Variants in PSG4 observed in about 807,000 individuals in gnomAD.
PSG4 encodes the protein pregnancy-specific beta-1-glycoprotein 4.
Under a neutral mutation model 44.3 loss-of-function variants are expected in PSG4, and 61 were observed. That is an observed-to-expected ratio of 1.38 (90% confidence interval 1.12 to 1.70). PSG4 has a LOEUF of 1.70. PSG4 is among the 40% of genes most tolerant of loss of function. The pLI, the probability that PSG4 is intolerant of heterozygous loss-of-function variation, is 0.00. For missense variants in PSG4, 677 were observed against 511.7 expected, an observed-to-expected ratio of 1.32 and a Z score of -3.12; for synonymous variants, 248 against 191.3, an observed-to-expected ratio of 1.30 and a Z score of -2.45.
chr19:43,195,869 G>T (rs1268293993), intron 3 of PSG4, among the ~76,000 whole-genome samples: 1 of 150,214 alleles, frequency 6.7e-6, no homozygotes, highest in Non-Finnish European at 1.5e-5. Context: ...GTGGGGCAGT[G>T]TTTTGCAGGT....
At chr19:43,202,251 G>A (rs1967547999) in intron 2 of PSG4, among the ~76,000 whole-genome samples, 1 of 145,080 alleles carries the variant, frequency 6.9e-6, no homozygotes, top group South Asian at 2.2e-4. Flanking sequence ...ATGGCAGTGA[G>A]CAGTGAGGGT....
At chr19:43,203,607 G>A (rs1348976421) in intron 2 of PSG4, 2 of 479,092 alleles carry the variant, frequency 4.2e-6, no homozygotes, top group African/African-American at 4.3e-5. Context: ...TATGAAGAGG[G>A]CATGAGGTGC....
intron 3 of PSG4, among the ~76,000 whole-genome samples, chr19:43,195,913 T>C (rs1344313211): frequency 6.7e-6 from 1 of 150,274 alleles, no homozygotes; most frequent in Non-Finnish European, 1.5e-5. Context: ...CAGTGACCTC[T>C]AAAGATAGAG....
chr19:43,197,853 C>T (rs1320483735), intron 3 of PSG4, 144 bp downstream of exon 3: 26 of 1,519,850 alleles, frequency 1.7e-5, no homozygotes, highest in Non-Finnish European at 2.2e-5. Context: ...CTCTGGTTTG[C>T]CTGGGGCAGA....
chr19:43,202,930 C>A (rs1311825364), intron 2 of PSG4, among the ~76,000 whole-genome samples: 2 of 144,646 alleles, frequency 1.4e-5, no homozygotes, highest in South Asian at 2.2e-4. Context: ...CCTCATGTGA[C>A]CCCGATCTCC....
chr19:43,199,363 T>C (rs966265193), intron 2 of PSG4, among the ~76,000 whole-genome samples: 1 of 145,582 alleles, frequency 6.9e-6, no homozygotes, highest in Non-Finnish European at 1.5e-5. Context: ...TTTTCAGTTA[T>C]GCAGGATGAG....
intron 4 of PSG4, 181 bp from the exon 5 acceptor site, chr19:43,194,775 T>G (rs1246535537): frequency 1.6e-5 from 22 of 1,416,438 alleles, no homozygotes; most frequent in Non-Finnish European, 2.1e-5. Context: ...TCACAAGTTT[T>G]AGGCCCCAAG....
At position 43,193,130 on chromosome 19, in the gene PSG4, T is replaced by C; in HGVS notation, c.*242A>G. On this transcript the variant is annotated 3_prime_UTR_variant, in exon 6 of 6. Coordinates refer to ENST00000405312, the MANE Select transcript of PSG4 (RefSeq NM_002780.5). ...ATGGGGAGTCTTGTTCTGACATCTTTGGAAAAACTGTCCACAGTGTGAAGT... is the reference window on the plus strand; with the variant it reads ...ATGGGGAGTCTTGTTCTGACATCTTCGGAAAAACTGTCCACAGTGTGAAGT... 1.5e-6 allele frequency: 1 copy of C among 664,962 alleles called. No individual in the cohort carries two copies. The highest frequency in any genetic ancestry group is 2.7e-6 in the Non-Finnish European group (1 of 365,486). 41.2% of individuals were successfully genotyped at this position (664,962 alleles called of 1,614,324 possible).
chr19:43,195,440 A>T (rs2122298324), intron 3 of PSG4, among the ~76,000 whole-genome samples, 167 bp from the exon 4 acceptor site: 1 of 151,648 alleles, frequency 6.6e-6, no homozygotes, highest in East Asian at 1.9e-4. Flanking sequence ...CTAAGGGCTC[A>T]AAGACTGTGA....
Position 43,192,785 on chromosome 19 carries a change from A to T in PSG4, c.*587T>A. On this transcript the variant is annotated 3_prime_UTR_variant, in exon 6 of 6. Coordinates refer to ENST00000405312, the MANE Select transcript of PSG4 (RefSeq NM_002780.5). ...ACTGTATCTCTTAGGAAATGGTGAGAGCCATCCACACAATGTGCATTTAAA... is the reference window on the plus strand; with the variant it reads ...ACTGTATCTCTTAGGAAATGGTGAGTGCCATCCACACAATGTGCATTTAAA... 5.3e-6 allele frequency: 1 copy of T among 188,864 alleles called. No individual in the cohort carries two copies. The highest frequency in any genetic ancestry group is 1.1e-5 in the Non-Finnish European group (1 of 90,212). 11.7% of individuals were successfully genotyped at this position (188,864 alleles called of 1,614,324 possible). A position where few individuals can be genotyped will look rare whatever the true frequency, so the allele number is the denominator to read the frequency against.
At chr19:43,193,521 T>G in intron 5 of PSG4, 133 bp from the exon 6 acceptor site, 2 of 683,466 alleles carry the variant, frequency 2.9e-6, no homozygotes, top group Admixed American at 2.2e-5. Flanking sequence ...ATAATTTCAG[T>G]AGAATAAGTT....
intron 4 of PSG4, 149 bp downstream of exon 4, chr19:43,194,846 G>T (rs1311841589): frequency 1.3e-6 from 2 of 1,499,012 alleles, no homozygotes; most frequent in Admixed American, 2.3e-5. Flanking sequence ...GCCTACCTAG[G>T]TTTTCCCAGG....
rs894710577 is a variant in PSG4 at position 43,201,003 on chromosome 19, G to A, written c.431-2728C>T. Among the ~76,000 whole-genome samples, 26 of 146,116 alleles carry A rather than the reference G, an allele frequency of 1.8e-4. 1 individual carries two copies. Among genetic ancestry groups the A allele is most frequent in the African/African-American group, 6.3e-4 (24 of 38,232 alleles). On this transcript the variant is annotated intron_variant, in intron 2 of 5. Transcript: ENST00000405312. ...GTGACAGGAGAATGTGAGCTGCATA[G>A]CAGGTTGAGGATGGAGTCCCAAGTG...
rs748705204 is a variant in PSG4 at position 43,198,411 on chromosome 19, A to AC, written c.431-137_431-136insG. Reference sequence around the variant, plus strand: ...AAAGCCCATGGAAGATGTGTGTGTTAAAGACAGATGCATGGCAATCTGAGA... The same window carrying AC: ...AAAGCCCATGGAAGATGTGTGTGTTACAAGACAGATGCATGGCAATCTGAGA... On this transcript the variant is annotated intron_variant, in intron 2 of 5. Transcript: ENST00000405312. The AC allele has an allele frequency of 2.3e-4, 319 of 1,396,078 alleles. 20 individuals carry two copies. The highest frequency in any genetic ancestry group is 5.6e-4 in the Admixed American group (23 of 41,402). 86.5% of individuals were successfully genotyped at this position (1,396,078 alleles called of 1,614,324 possible).
Position 43,203,494 on chromosome 19 carries a change from T to C in PSG4, c.430+392A>G, listed in dbSNP as rs545382220. 30 of 194,550 alleles carry C rather than the reference T, an allele frequency of 1.5e-4. 1 individual carries two copies. The highest frequency in any genetic ancestry group is 2.8e-4 in the Non-Finnish European group (28 of 99,826). The allele number at this position is 194,550 out of a possible 1,614,324, so 12.1% of individuals were successfully genotyped here. ...TGGAGCAAGGATTTAGGGACAGAGG[T>C]CTGGGGTTGAGGCTTCTAGGGCTGA... On this transcript the variant is annotated intron_variant, in intron 2 of 5. Coordinates refer to ENST00000405312, the MANE Select transcript of PSG4 (RefSeq NM_002780.5).
chr19:43,202,870 A>C lies in PSG4; in HGVS notation c.430+1016T>G, dbSNP rs1423681202. On this transcript the variant is annotated intron_variant, in intron 2 of 5. Transcript: ENST00000405312. The stretch of plus-strand genomic sequence containing the variant: ...GACTATGGGGTGCTTGGAACCCAGT[A>C]AGCCCTCACTTCTGGTGGAGGAGAG... Among the ~76,000 whole-genome samples, 3 of 144,620 alleles carry C rather than the reference A, an allele frequency of 2.1e-5. 1 individual carries two copies. The highest frequency in any genetic ancestry group is 4.5e-5 in the Non-Finnish European group (3 of 67,030). 94.9% of individuals were successfully genotyped at this position (144,620 alleles called of 152,430 possible).
In PSG4 at chr19:43,204,168, C is replaced by A; in HGVS notation, c.148G>T (p.Asp50Tyr). 1 of 1,586,924 alleles carries A rather than the reference C, an allele frequency of 6.3e-7. No homozygotes were observed. Among genetic ancestry groups the A allele is most frequent in the Non-Finnish European group, 8.5e-7 (1 of 1,171,402 alleles). Residue 50 changes from aspartate (D) to tyrosine (Y), a missense_variant, in exon 2 of 6, where the codon GAT becomes TAT. Coordinates refer to ENST00000405312, the MANE Select transcript of PSG4 (RefSeq NM_002780.5). ...AAATTGTGGACAAGTAGAAGAACATCCTTCCCCTCAGAAACTTTGGGTGGC... is the reference window on the plus strand; with the variant it reads ...AAATTGTGGACAAGTAGAAGAACATACTTCCCCTCAGAAACTTTGGGTGGC... ...AQPPKVSEGK[D>Y]VLLLVHNLPQ...
In PSG4 at chr19:43,192,901, T is replaced by C. The variant is rs200538538; in HGVS notation, c.*471A>G. The C allele has an allele frequency of 3.2e-5, 11 of 347,096 alleles. No individual in the cohort carries two copies. Among genetic ancestry groups the C allele is most frequent in the Admixed American group, 8.6e-5 (2 of 23,208 alleles). The allele number at this position is 347,096 out of a possible 1,614,324, so 21.5% of individuals were successfully genotyped here. A position where few individuals can be genotyped will look rare whatever the true frequency, so the allele number is the denominator to read the frequency against. The stretch of plus-strand genomic sequence containing the variant: ...GGCAATATCTCTGTGTTCATTTCTA[T>C]TGGGAGCCCTGTATGCAAGATGGAG... On this transcript the variant is annotated 3_prime_UTR_variant, in exon 6 of 6. Coordinates refer to ENST00000405312, the MANE Select transcript of PSG4 (RefSeq NM_002780.5).
rs150688167 is a variant in PSG4 at position 43,199,464 on chromosome 19, C to T, written c.431-1189G>A. Among the ~76,000 whole-genome samples, 31 of 145,608 alleles carry T rather than the reference C, an allele frequency of 2.1e-4. 1 individual carries two copies. Among genetic ancestry groups the T allele is most frequent in the Non-Finnish European group, 2.5e-4 (17 of 67,212 alleles). On this transcript the variant is annotated intron_variant, in intron 2 of 5. Coordinates refer to ENST00000405312, the MANE Select transcript of PSG4 (RefSeq NM_002780.5). ...CAGAAAGGTTAAAACAAAGTGTTTTCGATTTCTAATTTTTTTATTTTGGAA... is the reference window on the plus strand; with the variant it reads ...CAGAAAGGTTAAAACAAAGTGTTTTTGATTTCTAATTTTTTTATTTTGGAA...
Sources: gnomAD v4.1 joint callset for allele counts (sites outside exome capture counted in the v4.1 genomes callset) on GRCh38, gnomAD v4.1.1 for gene constraint, MANE v1.5 for transcripts, NCBI Gene and HGNC (gene_info 2026-07-23, HGNC 2026-07-21) for gene names.